SMR3A: variants seen among roughly 807,000 people sequenced by gnomAD.
SMR3A encodes submaxillary gland androgen regulated protein 3A.
For missense variants in SMR3A, 188 were observed against 163.0 expected, an observed-to-expected ratio of 1.15 and a Z score of -0.84; for synonymous variants, 48 against 57.4, an observed-to-expected ratio of 0.84 and a Z score of 0.74.
Position 70,366,786 on chromosome 4 carries a change from C to G in SMR3A, c.197C>G (p.Pro66Arg). 1 of 1,613,444 alleles carries G rather than the reference C, an allele frequency of 6.2e-7. No homozygotes were observed. Among genetic ancestry groups the G allele is most frequent in the Non-Finnish European group, 8.5e-7 (1 of 1,179,732 alleles). The change falls in exon 3 of 3, where the codon CCC becomes CGC. Residue 66 changes from proline (P) to arginine (R), a missense_variant. Transcript: ENST00000226460. ...PPYGPGRFPPPLSPPYGPGRI... is the reference protein window; with the variant it reads ...PPYGPGRFPPRLSPPYGPGRI... ...TATGGTCCAGGGAGATTTCCACCAC[C>G]CCTTTCTCCACCCTATGGTCCAGGG...
chr4:70,365,485 G>A (rs13137718), intron 2 of SMR3A, among the ~76,000 whole-genome samples: 19,783 of 151,992 alleles, frequency 0.13, 1,360 homozygotes, highest in East Asian at 0.18. Context: ...GACAACAACC[G>A]CAGGAGATGG....
At chr4:70,361,505 G>T (rs767798695) in intron 1 of SMR3A, among the ~76,000 whole-genome samples, 7 of 151,810 alleles carry the variant, frequency 4.6e-5, no homozygotes, top group Non-Finnish European at 8.8e-5. Flanking sequence ...CGGATTTTTG[G>T]AAGCACTTTG....
At chr4:70,364,783 T>C (rs1316335227) in intron 2 of SMR3A, among the ~76,000 whole-genome samples, 3 of 151,846 alleles carry the variant, frequency 2.0e-5, no homozygotes, top group Admixed American at 2.0e-4. Flanking sequence ...TAATCTAAGG[T>C]AAGATACTCA....
chr4:70,366,695 G>A lies in SMR3A; in HGVS notation c.106G>A (p.Ala36Thr). The change falls in exon 3 of 3, where the codon GCT becomes ACT. Residue 36 changes from alanine (A) to threonine (T), a missense_variant. Physicochemically the swap from Ala to Thr is moderately conservative, Grantham distance 58 (BLOSUM62 0). Coordinates refer to ENST00000226460, the MANE Select transcript of SMR3A (RefSeq NM_012390.4). ...PRGPYPPGPL[A>T]PPPPPCFPFG... ...GGGACCATATCCACCTGGACCACTGGCTCCTCCTCCTCCACCATGTTTTCC... is the reference window on the plus strand; with the variant it reads ...GGGACCATATCCACCTGGACCACTGACTCCTCCTCCTCCACCATGTTTTCC... The A allele has an allele frequency of 6.2e-7, 1 of 1,612,922 alleles. No homozygotes were observed. The highest frequency in any genetic ancestry group is 1.1e-5 in the South Asian group (1 of 91,020).
In SMR3A at chr4:70,366,666, C is replaced by A. The variant is rs1203692189; in HGVS notation, c.77C>A (p.Pro26His). The A allele has an allele frequency of 6.2e-7, 1 of 1,611,072 alleles. No homozygotes were observed. The highest frequency in any genetic ancestry group is 1.3e-5 in the African/African-American group (1 of 74,926). Residue 26 changes from proline to histidine, a missense_variant, in exon 3 of 3, where the codon CCC becomes CAC. By Grantham distance (77) the Pro-to-His change is moderately conservative (BLOSUM62 -2). Transcript: ENST00000226460. ...CAGCCTGGTGAGAGTCAAAGAGGCC[C>A]CAGGGGACCATATCCACCTGGACCA... Reference protein sequence around the residue: ...CFTPGESQRGPRGPYPPGPLA... With the variant: ...CFTPGESQRGHRGPYPPGPLA...
chr4:70,363,028 G>A (rs987139807), intron 2 of SMR3A, among the ~76,000 whole-genome samples: 3 of 151,796 alleles, frequency 2.0e-5, no homozygotes, highest in Non-Finnish European at 2.9e-5. Context: ...TCTGACTTTG[G>A]CCACCTTCCT....
At chr4:70,365,743 A>G (rs906039959) in intron 2 of SMR3A, among the ~76,000 whole-genome samples, 2 of 152,038 alleles carry the variant, frequency 1.3e-5, no homozygotes, top group Non-Finnish European at 2.9e-5. Context: ...TCATGACATG[A>G]ATGAACCAGC....
chr4:70,366,537 G>A (rs1732265448), intron 2 of SMR3A, 107 bp from the exon 3 acceptor site: 2 of 1,093,976 alleles, frequency 1.8e-6, no homozygotes, highest in Non-Finnish European at 2.6e-6. Context: ...GCAGGGAGTA[G>A]AAATCTTGAG....
intron 1 of SMR3A, among the ~76,000 whole-genome samples, chr4:70,361,865 CCAGT>C (rs1005440926): frequency 3.3e-5 from 5 of 151,822 alleles, no homozygotes; most frequent in African/African-American, 1.2e-4. Flanking sequence ...GGCATTATCT[CCAGT>C]ATCAGTTTAC....
Position 70,364,119 on chromosome 4 carries a change from A to G in SMR3A, c.54+1950A>G, listed in dbSNP as rs1218410688. ...GAAGTGGGGTTGGCAAATTTAGAATACTCTTTCATAGAGCTTTGCTTTGCA... is the reference window on the plus strand; with the variant it reads ...GAAGTGGGGTTGGCAAATTTAGAATGCTCTTTCATAGAGCTTTGCTTTGCA... On this transcript the variant is annotated intron_variant, in intron 2 of 2. Coordinates refer to ENST00000226460, the MANE Select transcript of SMR3A (RefSeq NM_012390.4). Among the ~76,000 whole-genome samples the G allele has an allele frequency of 5.9e-5, 9 of 152,040 alleles. No homozygotes were observed. In the South Asian group the frequency reaches 1.9e-3, roughly 32 times the overall value.
rs1375249628 is a variant in SMR3A, at chr4:70,366,784, AC to A, written c.199del (p.Leu67PhefsTer55). ...PPYGPGRFPPPLSPPYGPGRI... is the reference protein window; with the variant it reads ...PPYGPGRFPPXLSPPYGPGRI... ...CCTATGGTCCAGGGAGATTTCCACC[AC>A]CCCTTTCTCCACCCTATGGTCCAGG... On this transcript the variant is annotated frameshift_variant, in exon 3 of 3. Coordinates refer to ENST00000226460, the MANE Select transcript of SMR3A (RefSeq NM_012390.4). LOFTEE classifies it low-confidence loss of function (END_TRUNC). 7 of 1,612,430 alleles carry A rather than the reference AC, an allele frequency of 4.3e-6. No homozygotes were observed. The highest frequency in any genetic ancestry group is 5.1e-6 in the Non-Finnish European group (6 of 1,179,480).
At chr4:70,364,527 A>C (rs752426468) in intron 2 of SMR3A, among the ~76,000 whole-genome samples, 1 of 151,980 alleles carries the variant, frequency 6.6e-6, no homozygotes, top group Non-Finnish European at 1.5e-5. Flanking sequence ...AAAAGAGAAG[A>C]CTGACAGAGC....
intron 1 of SMR3A, among the ~76,000 whole-genome samples, chr4:70,361,751 G>C (rs1004911315): frequency 6.6e-6 from 1 of 151,758 alleles, no homozygotes; most frequent in African/African-American, 2.4e-5. Flanking sequence ...AAATGCAAAA[G>C]TATTCAAATG....
At chr4:70,364,541 G>T (rs1441389777) in intron 2 of SMR3A, among the ~76,000 whole-genome samples, 1 of 151,876 alleles carries the variant, frequency 6.6e-6, no homozygotes, top group African/African-American at 2.4e-5. Flanking sequence ...ACAGAGCCAG[G>T]TCCCTCAGAA....
At chr4:70,365,660 T>A (rs573568842) in intron 2 of SMR3A, among the ~76,000 whole-genome samples, 5 of 152,012 alleles carry the variant, frequency 3.3e-5, no homozygotes, top group Non-Finnish European at 7.4e-5. Flanking sequence ...TATCCCCCCC[T>A]GTATTGTAAT....
chr4:70,367,058 T>G lies in SMR3A; in HGVS notation c.*64T>G, dbSNP rs577984920. 3.7e-5 allele frequency: 50 copies of G among 1,369,308 alleles called. 1 individual carries two copies. The East Asian group carries it at 7.8e-4, about 21-fold the overall frequency. The allele number at this position is 1,369,308 out of a possible 1,614,324, so 84.8% of individuals were successfully genotyped here. On this transcript the variant is annotated 3_prime_UTR_variant, in exon 3 of 3. Coordinates refer to ENST00000226460, the MANE Select transcript of SMR3A (RefSeq NM_012390.4). ...ACAACACTACCCTCGTAACTACTGC[T>G]TCTACTACCCAAAAATAAGAATTTC...
intron 2 of SMR3A, among the ~76,000 whole-genome samples, chr4:70,362,864 A>G (rs17148800): frequency 0.13 from 19,871 of 151,902 alleles, 1,409 homozygotes; most frequent in Middle Eastern, 0.22. Flanking sequence ...CAAATGGGAA[A>G]ATATGAAAGC....
Position 70,366,703 on chromosome 4 carries a change from T to A in SMR3A, c.114T>A (p.Pro38=), listed in dbSNP as rs1480912931. The change falls in exon 3 of 3, where the codon CCT becomes CCA. Residue 38 remains proline (P), a synonymous_variant. Coordinates refer to ENST00000226460, the MANE Select transcript of SMR3A (RefSeq NM_012390.4). Reference sequence around the variant, plus strand: ...ATCCACCTGGACCACTGGCTCCTCCTCCTCCACCATGTTTTCCTTTTGGAA... The same window carrying A: ...ATCCACCTGGACCACTGGCTCCTCCACCTCCACCATGTTTTCCTTTTGGAA... ...GPYPPGPLAP[P]PPPCFPFGTG... 1 of 1,613,300 alleles carries A rather than the reference T, an allele frequency of 6.2e-7. No individual in the cohort carries two copies. Among genetic ancestry groups the A allele is most frequent in the African/African-American group, 1.3e-5 (1 of 74,846 alleles).
intron 2 of SMR3A, among the ~76,000 whole-genome samples, chr4:70,363,443 A>G (rs1732190956): frequency 6.6e-6 from 1 of 151,970 alleles, no homozygotes; most frequent in Admixed American, 6.6e-5. Flanking sequence ...AATGCATTAC[A>G]TACATTATCT....
Sources: gnomAD v4.1 joint callset for allele counts (sites outside exome capture counted in the v4.1 genomes callset) on GRCh38, gnomAD v4.1.1 for gene constraint, MANE v1.5 for transcripts, NCBI Gene and HGNC (gene_info 2026-07-23, HGNC 2026-07-21) for gene names.